The following TMEM68 variants were observed in gnomAD, a reference collection of about 807,000 sequenced individuals.
The protein encoded by TMEM68 is transmembrane protein 68.
TMEM68 carries 25 observed loss-of-function variants against 36.9 expected under a neutral mutation model. The observed-to-expected ratio is 0.68, with a 90% CI of 0.49 to 0.95. The LOEUF (loss-of-function observed/expected upper bound fraction) is 0.95, where lower values mean the gene tolerates loss of function less well. TMEM68 is among the 40% of genes least tolerant of loss of function. The probability of loss-of-function intolerance (pLI) is 0.00; values close to 1 mark genes in which losing one functional copy is unlikely to be tolerated. For synonymous variants in TMEM68, 131 were observed against 124.4 expected (o/e 1.05, Z -0.35); for missense variants, 333 against 392.0 (o/e 0.85, Z 1.27).
intron 1 of TMEM68, among the ~76,000 whole-genome samples, chr8:55,770,847 G>A (rs535956384): frequency 1.1e-4 from 17 of 152,142 alleles, no homozygotes; most frequent in South Asian, 4.1e-4. Context: ...TGGAAATCAC[G>A]TAACTTTTGT....
intron 1 of TMEM68, among the ~76,000 whole-genome samples, chr8:55,764,862 C>T (rs1585732236): frequency 2.0e-5 from 3 of 152,222 alleles, no homozygotes; most frequent in African/African-American, 7.2e-5. Flanking sequence ...CACCTGAGGT[C>T]GGGGGTTTGA....
chr8:55,741,646 T>C (rs1482933876), intron 7 of TMEM68, among the ~76,000 whole-genome samples: 6 of 151,984 alleles, frequency 3.9e-5, no homozygotes, highest in Admixed American at 2.0e-4. Flanking sequence ...AACAGGGTAT[T>C]GTTTGGTGCG....
chr8:55,752,369 C>G (rs752539248), intron 4 of TMEM68, among the ~76,000 whole-genome samples: 1 of 151,682 alleles, frequency 6.6e-6, no homozygotes, highest in Non-Finnish European at 1.5e-5. Context: ...GGCAGACCAC[C>G]TGAGGTCAGG....
intron 1 of TMEM68, among the ~76,000 whole-genome samples, chr8:55,768,649 C>T (rs139491054): frequency 0.16 from 24,585 of 151,894 alleles, 2,443 homozygotes; most frequent in East Asian, 0.31. Flanking sequence ...AGTTCAAGAC[C>T]AGCCTGGGCA....
chr8:55,753,363 C>A (rs1008683715), intron 4 of TMEM68, among the ~76,000 whole-genome samples: 2 of 151,768 alleles, frequency 1.3e-5, no homozygotes, highest in East Asian at 3.9e-4. Context: ...AACTGTTTGC[C>A]TATGTTACTG....
intron 6 of TMEM68, among the ~76,000 whole-genome samples, 159 bp downstream of exon 6, chr8:55,744,902 C>T (rs183720544): frequency 3.3e-5 from 5 of 152,248 alleles, no homozygotes; most frequent in African/African-American, 9.6e-5. Flanking sequence ...ACTGTCATTA[C>T]GTAGAACTAG....
intron 6 of TMEM68, 150 bp from the exon 7 acceptor site, chr8:55,743,770 T>C: frequency 1.6e-6 from 1 of 643,058 alleles, no homozygotes; most frequent in Non-Finnish European, 2.5e-6. Context: ...AAAGAAGAGC[T>C]TTTCATCAAT....
intron 4 of TMEM68, among the ~76,000 whole-genome samples, chr8:55,753,838 T>C (rs959559426): frequency 6.6e-6 from 1 of 152,206 alleles, no homozygotes; most frequent in African/African-American, 2.4e-5. Flanking sequence ...ACGCCTGCAA[T>C]CTCAGTACTT....
chr8:55,745,396 G>A (rs1266422704), intron 5 of TMEM68: 1 of 205,470 alleles, frequency 4.9e-6, no homozygotes, highest in African/African-American at 2.3e-5. Context: ...TTGAGGGCCT[G>A]TTTGATATTA....
chr8:55,772,183 G>A (rs965370403), intron 1 of TMEM68, among the ~76,000 whole-genome samples: 1 of 152,158 alleles, frequency 6.6e-6, no homozygotes, highest in African/African-American at 2.4e-5. Flanking sequence ...AAGGAGGTGG[G>A]AATAAACATT....
At chr8:55,769,977 A>C (rs191834231) in intron 1 of TMEM68, among the ~76,000 whole-genome samples, 2 of 152,298 alleles carry the variant, frequency 1.3e-5, no homozygotes, top group East Asian at 3.9e-4. Context: ...CAGTATCCTA[A>C]AACCTGCTAC....
Position 55,756,161 on chromosome 8 carries a change from A to AGC in TMEM68, c.493+82_493+83insGC, listed in dbSNP as rs1347976224. ...GCAAAAAGCTTTTTCAAATGACGTTAGAGAGCTCAGGATAGAGACGACCAC... is the reference window on the plus strand; with the variant it reads ...GCAAAAAGCTTTTTCAAATGACGTTAGCGAGAGCTCAGGATAGAGACGACCAC... On this transcript the variant is annotated intron_variant, in intron 4 of 7. Transcript: ENST00000434581. The AGC allele has an allele frequency of 2.4e-6, 3 of 1,234,162 alleles. No homozygotes were observed. The African/African-American group carries it at 4.6e-5, about 19-fold the overall frequency. 76.5% of individuals were successfully genotyped at this position (1,234,162 alleles called of 1,614,324 possible).
At chr8:55,752,461 C>T (rs960143484) in intron 4 of TMEM68, among the ~76,000 whole-genome samples, 6 of 151,356 alleles carry the variant, frequency 4.0e-5, no homozygotes, top group Non-Finnish European at 7.4e-5. Flanking sequence ...GTGGCGCACG[C>T]TTGTAATCCC....
chr8:55,754,944 T>TATAC (rs1441578420), intron 4 of TMEM68, among the ~76,000 whole-genome samples: 33 of 134,898 alleles, frequency 2.4e-4, no homozygotes, highest in African/African-American at 8.7e-4. Context: ...TATATATTTA[T>TATAC]ACACACACAC....
chr8:55,748,722 T>C (rs1276370139), intron 5 of TMEM68, among the ~76,000 whole-genome samples: 1 of 152,032 alleles, frequency 6.6e-6, no homozygotes, highest in Non-Finnish European at 1.5e-5. Context: ...TCCTCCAACC[T>C]CAGCCATCTG....
intron 4 of TMEM68, among the ~76,000 whole-genome samples, chr8:55,751,826 C>T (rs1266766317): frequency 1.3e-5 from 2 of 152,120 alleles, no homozygotes; most frequent in Non-Finnish European, 2.9e-5. Context: ...ATATTTTAAT[C>T]AAATCCCATA....
intron 7 of TMEM68, among the ~76,000 whole-genome samples, chr8:55,740,538 C>T (rs1810067367): frequency 6.6e-6 from 1 of 152,062 alleles, no homozygotes; most frequent in South Asian, 2.1e-4. Context: ...TTTTCTATAT[C>T]AGACTGTAAG....
At chr8:55,772,343 A>G (rs1006553271) in intron 1 of TMEM68, among the ~76,000 whole-genome samples, 1 of 152,334 alleles carries the variant, frequency 6.6e-6, no homozygotes, top group East Asian at 1.9e-4. Flanking sequence ...CCACGTCCGA[A>G]GCGCTCCAAC....
chr8:55,756,167 C>T, intron 4 of TMEM68, 77 bp downstream of exon 4: 1 of 1,333,938 alleles, frequency 7.5e-7, no homozygotes, highest in Non-Finnish European at 1.0e-6. Flanking sequence ...CGTTAGAGAG[C>T]TCAGGATAGA....
Sources: allele counts gnomAD v4.1 joint callset (sites outside exome capture counted in the v4.1 genomes callset), GRCh38; gene constraint gnomAD v4.1.1; transcripts MANE v1.5; gene names NCBI Gene and HGNC (gene_info 2026-07-23, HGNC 2026-07-21).